Variants in KLF12 observed in about 807,000 individuals in gnomAD.
KLF12 encodes Krueppel-like factor 12.
A neutral mutation model predicts 37.8 loss-of-function variants in KLF12; 9 were observed. That is an observed-to-expected ratio of 0.24 (90% CI 0.14 to 0.42). The LOEUF (loss-of-function observed/expected upper bound fraction) is 0.42, where lower values mean the gene tolerates loss of function less well. Among genes scored for constraint, KLF12 ranks in the 10% least tolerant of loss-of-function variants. The probability of loss-of-function intolerance (pLI) is 1.00; values close to 1 mark genes in which losing one functional copy is unlikely to be tolerated. For missense variants in KLF12, 411 were observed against 516.0 expected (o/e 0.80, Z 1.97); for synonymous variants, 208 against 202.1 (o/e 1.03, Z -0.25).
At chr13:73,780,022 G>C (rs1880860235) in intron 5 of KLF12, among the ~76,000 whole-genome samples, 1 of 152,136 alleles carries the variant, frequency 6.6e-6, no homozygotes, top group African/African-American at 2.4e-5. Context: ...AACCCTCATG[G>C]ATGACTCAAG....
At chr13:73,723,229 T>C (rs1032880102) in intron 6 of KLF12, among the ~76,000 whole-genome samples, 8 of 152,214 alleles carry the variant, frequency 5.3e-5, no homozygotes, top group Admixed American at 2.6e-4. Flanking sequence ...ATTTCAGATA[T>C]AGAGTATCTA....
rs1304655675 is a variant in KLF12, at chr13:73,868,337, G to GC, written c.124-21965_124-21964insG. Among the ~76,000 whole-genome samples, 1,238 of 133,090 alleles carry GC rather than the reference G, an allele frequency of 9.3e-3. 62 individuals are homozygous for GC. The highest frequency in any genetic ancestry group is 0.034 in the African/African-American group (1,188 of 35,008). 87.3% of individuals were successfully genotyped at this position (133,090 alleles called of 152,430 possible). A position where few individuals can be genotyped will look rare whatever the true frequency, so the allele number is the denominator to read the frequency against. On this transcript the variant is annotated intron_variant, in intron 3 of 7. Coordinates refer to ENST00000377669, the MANE Select transcript of KLF12 (RefSeq NM_007249.5). ...AAAAGGCGGGGGCGGTGGGGGGGGG[G>GC]GGTGATTTCAGTACAAAGCCTACAG...
the KLF12 span, among the ~76,000 whole-genome samples, chr13:74,160,505 A>T: frequency 3.3e-5 from 5 of 152,252 alleles, no homozygotes; most frequent in African/African-American, 1.2e-4. Flanking sequence ...AGCCTAATAC[A>T]GATCCAGGCA....
In KLF12 at chr13:73,812,558, AT is replaced by A. The variant is rs575241788; in HGVS notation, c.806+593del. Among the ~76,000 whole-genome samples the A allele has an allele frequency of 6.9e-3, 1,044 of 150,340 alleles. 14 individuals are homozygous for A. The highest frequency in any genetic ancestry group is 0.024 in the African/African-American group (980 of 40,964). On this transcript the variant is annotated intron_variant, in intron 5 of 7. Coordinates refer to ENST00000377669, the MANE Select transcript of KLF12 (RefSeq NM_007249.5). ...AATTATTCTACAAAAAAAAACATGG[AT>A]TTTTTTTTTCAATCATTTAGGTTCA...
At chr13:73,811,307 C>A (rs1882930956) in intron 5 of KLF12, among the ~76,000 whole-genome samples, 1 of 152,002 alleles carries the variant, frequency 6.6e-6, no homozygotes, top group Non-Finnish European at 1.5e-5. Flanking sequence ...GATAATACTA[C>A]TGATAACAGA....
chr13:74,225,611 G>A, the KLF12 span, among the ~76,000 whole-genome samples: 1 of 152,094 alleles, frequency 6.6e-6, no homozygotes, highest in African/African-American at 2.4e-5. Flanking sequence ...AGACATGGGA[G>A]ATAAAAAGGT....
intron 4 of KLF12, among the ~76,000 whole-genome samples, chr13:73,816,446 C>A (rs1268393034): frequency 6.6e-6 from 1 of 152,188 alleles, no homozygotes; most frequent in Non-Finnish European, 1.5e-5. Context: ...CAGCTCACTG[C>A]TGGTAGAGGT....
chr13:74,261,966 G>A, the KLF12 span, among the ~76,000 whole-genome samples: 23 of 152,276 alleles, frequency 1.5e-4, no homozygotes, highest in South Asian at 3.7e-3. Context: ...CCTTCAGAGA[G>A]TGCTGTGCTG....
the KLF12 span, among the ~76,000 whole-genome samples, chr13:74,172,141 C>CAACACA: frequency 8.1e-5 from 1 of 12,316 alleles, no homozygotes; most frequent in African/African-American, 1.5e-4. Context: ...ATTTTCCTCA[C>CAACACA]GACACACACA....
chr13:73,845,793 C>T, intron 4 of KLF12, 34 bp downstream of exon 4: 3 of 1,583,120 alleles, frequency 1.9e-6, no homozygotes, highest in Non-Finnish European at 2.6e-6. Context: ...ACCTCTAGTG[C>T]TGAAATAAAT....
At chr13:74,151,973 G>A in the KLF12 span, among the ~76,000 whole-genome samples, 3 of 152,208 alleles carry the variant, frequency 2.0e-5, no homozygotes, top group Non-Finnish European at 2.9e-5. Flanking sequence ...AAACTAAAGA[G>A]TAGCAGCACT....
chr13:73,973,938 A>C (rs888369339), intron 2 of KLF12, among the ~76,000 whole-genome samples: 4 of 152,114 alleles, frequency 2.6e-5, no homozygotes, highest in African/African-American at 9.7e-5. Context: ...GGAGACCAAA[A>C]ATTTATCAAC....
intron 1 of KLF12, among the ~76,000 whole-genome samples, chr13:74,027,978 G>GAAGAAGAAA (rs1566509767): frequency 6.6e-6 from 1 of 151,994 alleles, no homozygotes; most frequent in African/African-American, 2.4e-5. Context: ...TGTAAAGAAA[G>GAAGAAGAAA]AAGAAGAAAA....
chr13:74,156,092 C>A, the KLF12 span, among the ~76,000 whole-genome samples: 1 of 152,210 alleles, frequency 6.6e-6, no homozygotes, highest in African/African-American at 2.4e-5. Flanking sequence ...CCTTCAGATG[C>A]TGTGTTGGAG....
the KLF12 span, among the ~76,000 whole-genome samples, chr13:74,175,850 C>G: frequency 2.0e-5 from 3 of 152,204 alleles, no homozygotes; most frequent in Non-Finnish European, 2.9e-5. Flanking sequence ...AACCTTGATG[C>G]CAGCTAATTC....
In KLF12 at chr13:74,021,409, C is replaced by A. The variant is rs188031451; in HGVS notation, c.-31-26356G>T. Among the ~76,000 whole-genome samples, 507 of 152,226 alleles carry A rather than the reference C, an allele frequency of 3.3e-3. 1 individual carries two copies. The highest frequency in any genetic ancestry group is 6.6e-3 in the Admixed American group (101 of 15,296). ...ATTGTAATTCCATGTTTTTGAGAAA[C>A]TTTCAGTAGAAGAGGCTACAAATAG... On this transcript the variant is annotated intron_variant, in intron 1 of 7. Transcript: ENST00000377669.
intron 5 of KLF12, among the ~76,000 whole-genome samples, chr13:73,806,649 C>CA (rs11482328): frequency 0.3 from 32,505 of 108,186 alleles, 3,978 homozygotes; most frequent in Middle Eastern, 0.45. Context: ...AAAAAACAAA[C>CA]AAAAAAAAAA....
At chr13:73,709,472 C>G (rs1480806767) in intron 7 of KLF12, among the ~76,000 whole-genome samples, 1 of 152,150 alleles carries the variant, frequency 6.6e-6, no homozygotes, top group Non-Finnish European at 1.5e-5. Flanking sequence ...TAAGAGCATG[C>G]AAACCAACCT....
At chr13:73,936,848 C>T (rs1457913274) in intron 3 of KLF12, among the ~76,000 whole-genome samples, 2 of 152,124 alleles carry the variant, frequency 1.3e-5, no homozygotes, top group Non-Finnish European at 2.9e-5. Flanking sequence ...AGTCAATTCC[C>T]ACAAGAGTTA....
Sources: allele counts gnomAD v4.1 joint callset (sites outside exome capture counted in the v4.1 genomes callset), GRCh38; gene constraint gnomAD v4.1.1; transcripts MANE v1.5; gene names NCBI Gene and HGNC (gene_info 2026-07-23, HGNC 2026-07-21).